The following HERC3 variants were observed in gnomAD, a reference collection of about 807,000 sequenced individuals.
HERC3 encodes the protein probable E3 ubiquitin-protein ligase HERC3.
HERC3 carries 58 observed loss-of-function variants against 129.9 expected under a neutral mutation model. The observed-to-expected ratio is 0.45, with a 90% CI of 0.36 to 0.56. The LOEUF (loss-of-function observed/expected upper bound fraction) is 0.56, where lower values mean the gene tolerates loss of function less well. HERC3 is among the 20% of genes least tolerant of loss of function. The pLI is 0.00. For synonymous variants in HERC3, 430 were observed against 451.0 expected, an observed-to-expected ratio of 0.95 and a Z score of 0.59; for missense variants, 835 against 1,244.2, an observed-to-expected ratio of 0.67 and a Z score of 4.95.
chr4:88,617,032 C>T (rs1724975509), intron 3 of HERC3, among the ~76,000 whole-genome samples: 1 of 151,818 alleles, frequency 6.6e-6, no homozygotes, highest in Non-Finnish European at 1.5e-5. Context: ...TTTTTGGGCG[C>T]CAGAATTGGC....
chr4:88,639,630 A>C (rs1727847143), intron 3 of HERC3, among the ~76,000 whole-genome samples: 1 of 152,230 alleles, frequency 6.6e-6, no homozygotes, highest in East Asian at 1.9e-4. Flanking sequence ...AAACCATAAA[A>C]ACTCTAGAAG....
At chr4:88,592,174 C>T (rs540809426), upstream of HERC3, among the ~76,000 whole-genome samples, 2 of 152,364 alleles carry the variant, frequency 1.3e-5, no homozygotes, top group South Asian at 2.1e-4. Flanking sequence ...CTCGCTTCCC[C>T]GCCAGTGAAA....
At chr4:88,529,329 G>A in the HERC3 span, among the ~76,000 whole-genome samples, 1 of 152,130 alleles carries the variant, frequency 6.6e-6, no homozygotes, top group Non-Finnish European at 1.5e-5. Flanking sequence ...CTATGGCAGT[G>A]CCTGCAAGTA....
chr4:88,560,452 AGTTGTATAG>A, the HERC3 span, among the ~76,000 whole-genome samples: 1 of 152,196 alleles, frequency 6.6e-6, no homozygotes, highest in East Asian at 1.9e-4. Flanking sequence ...TCCACTATTG[AGTTGTATAG>A]GTTCTTTATA....
Position 88,677,955 on chromosome 4 carries a change from C to T in HERC3, c.2026-9C>T, listed in dbSNP as rs1488998870. The T allele has an allele frequency of 6.2e-7, 1 of 1,609,632 alleles. No homozygotes were observed. The highest frequency in any genetic ancestry group is 8.5e-7 in the Non-Finnish European group (1 of 1,179,624). ...CTGAGTAATTGCTTTCTTGACTGTG[C>T]CATTCCAGGTGGCAGTCAATGGAGC... On this transcript the variant is annotated splice_polypyrimidine_tract_variant and intron_variant, in intron 18 of 25. Coordinates refer to ENST00000402738, the MANE Select transcript of HERC3 (RefSeq NM_014606.3).
chr4:88,656,198 G>C (rs1217895913), intron 9 of HERC3, 163 bp downstream of exon 9: 1 of 659,774 alleles, frequency 1.5e-6, no homozygotes, highest in Non-Finnish European at 2.6e-6. Flanking sequence ...GCATGAAGCT[G>C]TAGAGTTGAG....
the HERC3 span, among the ~76,000 whole-genome samples, chr4:88,586,579 G>A: frequency 1.3e-5 from 2 of 151,880 alleles, no homozygotes; most frequent in African/African-American, 2.4e-5. Flanking sequence ...GGCTGGTCTC[G>A]AACTCCCAAC....
At chr4:88,676,067 C>T in intron 16 of HERC3, 151 bp from the exon 17 acceptor site, 1 of 582,646 alleles carries the variant, frequency 1.7e-6, no homozygotes, top group Non-Finnish European at 3.0e-6. Context: ...CATCTTTTCC[C>T]TCAAAATTTA....
At chr4:88,682,841 A>G (rs1254752130) in intron 21 of HERC3, among the ~76,000 whole-genome samples, 2 of 151,870 alleles carry the variant, frequency 1.3e-5, no homozygotes, top group Non-Finnish European at 2.9e-5. Context: ...TATACCCAGT[A>G]ATGGGATGGC....
At chr4:88,637,924 C>T (rs1379090015) in intron 3 of HERC3, among the ~76,000 whole-genome samples, 1 of 152,146 alleles carries the variant, frequency 6.6e-6, no homozygotes, top group Non-Finnish European at 1.5e-5. Context: ...ACTGATCCCA[C>T]AGAAATACAA....
chr4:88,687,129 T>TTCCTAAAGCC, intron 22 of HERC3, 88 bp from the exon 23 acceptor site: 1 of 946,502 alleles, frequency 1.1e-6, no homozygotes, highest in South Asian at 1.6e-5. Flanking sequence ...ACTACATTTG[T>TTCCTAAAGCC]TCCTAAAGCC....
At chr4:88,658,255 G>T in intron 9 of HERC3, 160 bp from the exon 10 acceptor site, 1 of 493,840 alleles carries the variant, frequency 2.0e-6, no homozygotes, top group Admixed American at 3.6e-5. Context: ...AGTAGAAACA[G>T]TCCTAGGCAG....
chr4:88,539,227 C>T, the HERC3 span, among the ~76,000 whole-genome samples: 8 of 152,306 alleles, frequency 5.3e-5, no homozygotes, highest in Middle Eastern at 3.4e-3. Context: ...AAATACTGTG[C>T]TTTTCCCATG....
At chr4:88,634,941 A>G (rs1406427768) in intron 3 of HERC3, among the ~76,000 whole-genome samples, 1 of 152,162 alleles carries the variant, frequency 6.6e-6, no homozygotes, top group African/African-American at 2.4e-5. Context: ...TGAAAGAAAA[A>G]CAGAAAGTAA....
chr4:88,655,113 A>G, intron 7 of HERC3, 61 bp from the exon 8 acceptor site: 4 of 1,561,530 alleles, frequency 2.6e-6, no homozygotes, highest in Admixed American at 1.8e-5. Context: ...TTTTGTATAC[A>G]GGGTTTAGAG....
At chr4:88,531,356 G>A in the HERC3 span, among the ~76,000 whole-genome samples, 2 of 151,982 alleles carry the variant, frequency 1.3e-5, no homozygotes, top group Non-Finnish European at 2.9e-5. Context: ...ATTTCTTAAT[G>A]GGAGTCATCA....
the HERC3 span, among the ~76,000 whole-genome samples, chr4:88,564,192 AAC>A: frequency 6.6e-6 from 1 of 152,178 alleles, no homozygotes; most frequent in Non-Finnish European, 1.5e-5. Context: ...TCGGTTTGCT[AAC>A]ATTTTGTTGA....
intron 8 of HERC3, among the ~76,000 whole-genome samples, 169 bp from the exon 9 acceptor site, chr4:88,655,706 A>G (rs547557658): frequency 1.1e-4 from 16 of 152,252 alleles, no homozygotes; most frequent in African/African-American, 1.7e-4. Flanking sequence ...AGAGTGTTAG[A>G]GGATAGTATT....
chr4:88,690,624 G>C, intron 23 of HERC3: 1 of 985,262 alleles, frequency 1.0e-6, no homozygotes, highest in Non-Finnish European at 1.2e-6. Context: ...ACCTAGTGCA[G>C]GAATAGGCAA....
Sources: allele counts gnomAD v4.1 joint callset (sites outside exome capture counted in the v4.1 genomes callset), GRCh38; gene constraint gnomAD v4.1.1; transcripts MANE v1.5; gene names NCBI Gene and HGNC (gene_info 2026-07-23, HGNC 2026-07-21).